The following SAMD5 variants were observed in gnomAD, a reference collection of about 807,000 sequenced individuals.
SAMD5 encodes the protein sterile alpha motif domain-containing protein 5.
A neutral mutation model predicts 11.3 loss-of-function variants in SAMD5; 13 were observed. The observed-to-expected ratio is 1.15, with a 90% CI of 0.75 to 1.83. The LOEUF is 1.83. Among genes scored for constraint, SAMD5 ranks in the 40% most tolerant of loss-of-function variants. The probability of loss-of-function intolerance (pLI) is 0.00; values close to 1 mark genes in which losing one functional copy is unlikely to be tolerated. For missense variants in SAMD5, 255 were observed against 239.1 expected (o/e 1.07, Z -0.44); for synonymous variants, 129 against 111.3 (o/e 1.16, Z -1.00).
At chr6:147,655,280 G>A (rs964048503) in intron 1 of SAMD5, among the ~76,000 whole-genome samples, 4 of 152,152 alleles carry the variant, frequency 2.6e-5, no homozygotes, top group African/African-American at 9.7e-5. Context: ...TAAGCAACCT[G>A]CATGACAGGA....
the SAMD5 span, among the ~76,000 whole-genome samples, chr6:147,750,218 G>C: frequency 6.6e-6 from 1 of 152,118 alleles, no homozygotes; most frequent in Admixed American, 6.5e-5. Flanking sequence ...TTGACTCTAA[G>C]TGTCAACATG....
the SAMD5 span, among the ~76,000 whole-genome samples, chr6:147,758,122 A>G: frequency 6.6e-6 from 1 of 152,302 alleles, no homozygotes; most frequent in East Asian, 1.9e-4. Context: ...TATAGTCACT[A>G]ATATGAAGAT....
chr6:147,769,572 G>A, the SAMD5 span, among the ~76,000 whole-genome samples: 1 of 152,112 alleles, frequency 6.6e-6, no homozygotes, highest in East Asian at 1.9e-4. Context: ...ATAATCATTT[G>A]TACATGTTTG....
At chr6:147,847,177 C>G in the SAMD5 span, among the ~76,000 whole-genome samples, 1 of 152,062 alleles carries the variant, frequency 6.6e-6, no homozygotes, top group Non-Finnish European at 1.5e-5. Flanking sequence ...CTTCCTTCCT[C>G]CCTTCCTTCC....
chr6:147,930,320 A>T, the SAMD5 span, among the ~76,000 whole-genome samples: 2 of 152,078 alleles, frequency 1.3e-5, no homozygotes, highest in African/African-American at 4.8e-5. Context: ...TCTTCTTCTG[A>T]GTCCTGAAAC....
chr6:147,652,100 G>T (rs1790494025), intron 1 of SAMD5, among the ~76,000 whole-genome samples: 1 of 152,210 alleles, frequency 6.6e-6, no homozygotes, highest in South Asian at 2.1e-4. Context: ...GACAGAAAAT[G>T]AAAGGAGACA....
intron 1 of SAMD5, among the ~76,000 whole-genome samples, chr6:147,641,565 T>C (rs1242181971): frequency 2.5e-5 from 3 of 120,126 alleles, no homozygotes; most frequent in East Asian, 5.3e-4. Context: ...TCTCTGTCTT[T>C]AATTTTTTTT....
chr6:147,815,191 A>G, the SAMD5 span, among the ~76,000 whole-genome samples: 102 of 152,328 alleles, frequency 6.7e-4, no homozygotes, highest in Admixed American at 1.4e-3. Flanking sequence ...AGTGACTCTG[A>G]TCACACAGAG....
intron 1 of SAMD5, among the ~76,000 whole-genome samples, chr6:147,650,346 G>A (rs764446547): frequency 3.3e-5 from 5 of 152,166 alleles, no homozygotes; most frequent in Non-Finnish European, 7.3e-5. Flanking sequence ...GGTGGCAAAG[G>A]AGGGGGCAAG....
At chr6:147,606,444 G>A (rs989334811) in intron 1 of SAMD5, among the ~76,000 whole-genome samples, 23 of 151,762 alleles carry the variant, frequency 1.5e-4, no homozygotes, top group African/African-American at 5.6e-4. Context: ...AGGCAGGCCT[G>A]ATGGCCCACG....
the SAMD5 span, among the ~76,000 whole-genome samples, chr6:147,813,594 C>T: frequency 6.6e-6 from 1 of 152,178 alleles, no homozygotes; most frequent in Non-Finnish European, 1.5e-5. Flanking sequence ...AGTTATACAG[C>T]TGGAATATAA....
At chr6:147,701,488 G>T (rs1791252233) in intron 1 of SAMD5, among the ~76,000 whole-genome samples, 1 of 151,948 alleles carries the variant, frequency 6.6e-6, no homozygotes, top group Admixed American at 6.6e-5. Flanking sequence ...ACAAAAATTA[G>T]CCAGGCGTGG....
At chr6:147,513,031 T>A (rs1157996958) in intron 1 of SAMD5, among the ~76,000 whole-genome samples, 1 of 150,386 alleles carries the variant, frequency 6.6e-6, no homozygotes, top group Non-Finnish European at 1.5e-5. Flanking sequence ...GAAAGAGTGT[T>A]CTCAGCAGAG....
chr6:147,543,688 C>T (rs914898488), intron 1 of SAMD5, among the ~76,000 whole-genome samples: 9 of 152,146 alleles, frequency 5.9e-5, no homozygotes, highest in African/African-American at 2.2e-4. Context: ...AAAGACAAAT[C>T]TGTGAAATAT....
chr6:147,672,899 T>C (rs1351372834), intron 1 of SAMD5, among the ~76,000 whole-genome samples: 1 of 152,154 alleles, frequency 6.6e-6, no homozygotes, highest in Non-Finnish European at 1.5e-5. Context: ...ACTATTTACA[T>C]TGTTGTAACT....
At chr6:147,722,625 A>G (rs1260770609) in intron 1 of SAMD5, among the ~76,000 whole-genome samples, 2 of 152,192 alleles carry the variant, frequency 1.3e-5, no homozygotes, top group Non-Finnish European at 2.9e-5. Context: ...TCTTTATTAT[A>G]GTCCATTTTA....
At chr6:147,687,081 G>T (rs1791022463) in intron 1 of SAMD5, among the ~76,000 whole-genome samples, 1 of 151,906 alleles carries the variant, frequency 6.6e-6, no homozygotes, top group Admixed American at 6.6e-5. Flanking sequence ...TAAATTCTGG[G>T]ACAAATGACA....
the SAMD5 span, among the ~76,000 whole-genome samples, chr6:147,839,871 T>C: frequency 6.6e-6 from 1 of 152,226 alleles, no homozygotes; most frequent in South Asian, 2.1e-4. Flanking sequence ...ATTATCTCAT[T>C]TGACCCACAC....
the SAMD5 span, among the ~76,000 whole-genome samples, chr6:147,744,090 C>T: frequency 2.0e-5 from 3 of 152,152 alleles, no homozygotes; most frequent in African/African-American, 4.8e-5. Flanking sequence ...AGTCCAGTGC[C>T]TTTTCAGCTG....
Sources: gnomAD v4.1 joint callset for allele counts (sites outside exome capture counted in the v4.1 genomes callset) on GRCh38, gnomAD v4.1.1 for gene constraint, MANE v1.5 for transcripts, NCBI Gene and HGNC (gene_info 2026-07-23, HGNC 2026-07-21) for gene names.